Variants in NAAA observed in about 807,000 individuals in gnomAD.
NAAA encodes the protein N-acylethanolamine acid amidase, also known as N-acylethanolamine-hydrolyzing acid amidase.
In NAAA, 39 loss-of-function variants were observed where a neutral mutation model predicts 44.8. The observed-to-expected ratio is 0.87, with a 90% confidence interval of 0.67 to 1.14. The LOEUF is 1.14. Among genes scored for constraint, NAAA ranks in the 50% most tolerant of loss-of-function variants. The pLI, the probability that NAAA is intolerant of heterozygous loss-of-function variation, is 0.00. For synonymous variants in NAAA, 178 were observed against 191.3 expected, an observed-to-expected ratio of 0.93 and a Z score of 0.58; for missense variants, 460 against 467.8, an observed-to-expected ratio of 0.98 and a Z score of 0.15.
Position 75,913,745 on chromosome 4 carries a change from T to G in NAAA, c.*630A>C, listed in dbSNP as rs530381967. On this transcript the variant is annotated 3_prime_UTR_variant, in exon 11 of 11. Coordinates refer to ENST00000286733, the MANE Select transcript of NAAA (RefSeq NM_014435.4). ...TATGTGACATTAAGAAATAATTTGG[T>G]TGCATATTATTTTCAAAAAGCAGTA... is the stretch of plus-strand genomic sequence containing the variant. The G allele has an allele frequency of 5.1e-5, 50 of 980,432 alleles. No individual in the cohort carries two copies. The East Asian group carries it at 4.3e-3, about 85-fold the overall frequency. 60.7% of individuals were successfully genotyped at this position (980,432 alleles called of 1,614,324 possible).
chr4:75,940,634 G>A, intron 1 of NAAA, 110 bp downstream of exon 1: 2 of 1,222,624 alleles, frequency 1.6e-6, no homozygotes, highest in Middle Eastern at 5.4e-4. Context: ...AGTTCTCCAA[G>A]GGTGGCGGGG....
At chr4:75,939,748 T>G in intron 2 of NAAA, 4 of 479,330 alleles carry the variant, frequency 8.3e-6, no homozygotes, top group Non-Finnish European at 7.6e-6. Context: ...GCTACCTGGA[T>G]TGGGGAAGAG....
At chr4:75,939,317 C>T (rs13118503) in intron 2 of NAAA, among the ~76,000 whole-genome samples, 30,788 of 152,004 alleles carry the variant, frequency 0.2, 3,893 homozygotes, top group East Asian at 0.36. Flanking sequence ...TGAGCCACTG[C>T]CAGTATAGAG....
chr4:75,933,016 TC>T (rs1275868649), intron 3 of NAAA, among the ~76,000 whole-genome samples: 1 of 150,588 alleles, frequency 6.6e-6, no homozygotes, highest in Non-Finnish European at 1.5e-5. Flanking sequence ...GCACCTGTGG[TC>T]CCAGCTACTC....
At chr4:75,925,688 G>C (rs1726611313) in intron 5 of NAAA, 47 bp downstream of exon 5, 1 of 1,549,244 alleles carries the variant, frequency 6.5e-7, no homozygotes. Context: ...GAACAGTTTA[G>C]AAGGTGGAGG....
At chr4:75,923,755 G>T (rs1225731685) in intron 5 of NAAA, among the ~76,000 whole-genome samples, 2 of 152,070 alleles carry the variant, frequency 1.3e-5, no homozygotes, top group African/African-American at 2.4e-5. Context: ...GGCCAGGCTA[G>T]TCTCGAACTC....
chr4:75,932,673 T>G (rs1174682010), intron 3 of NAAA, among the ~76,000 whole-genome samples: 1 of 151,914 alleles, frequency 6.6e-6, no homozygotes. Context: ...ACAAAATTTT[T>G]TTTTGCTTTT....
At chr4:75,940,659 G>A in intron 1 of NAAA, 85 bp downstream of exon 1, 2 of 1,406,806 alleles carry the variant, frequency 1.4e-6, no homozygotes, top group Non-Finnish European at 1.9e-6. Flanking sequence ...AAGCGTCCCC[G>A]TTTAAAGCAC....
intron 9 of NAAA, among the ~76,000 whole-genome samples, chr4:75,916,245 T>A (rs1280127734): frequency 6.6e-6 from 1 of 152,206 alleles, no homozygotes; most frequent in Non-Finnish European, 1.5e-5. Flanking sequence ...TTTTCTTTTT[T>A]TCAGATACAG....
At chr4:75,914,378 ATT>A (rs112092179) in intron 10 of NAAA, 40 bp from the exon 11 acceptor site, 7,834 of 703,096 alleles carry the variant, frequency 0.011, no homozygotes, top group Middle Eastern at 0.019. Context: ...TCAAAGACTG[ATT>A]TTTTTTTTTT....
chr4:75,918,874 G>A, intron 8 of NAAA, 85 bp from the exon 9 acceptor site: 2 of 1,314,730 alleles, frequency 1.5e-6, no homozygotes, highest in South Asian at 2.4e-5. Context: ...CGGGTGCAGT[G>A]GCTCAGGCCT....
intron 9 of NAAA, among the ~76,000 whole-genome samples, chr4:75,917,272 G>A (rs996433045): frequency 6.6e-6 from 1 of 152,086 alleles, no homozygotes; most frequent in Admixed American, 6.6e-5. Context: ...GGAAGTGTAT[G>A]AGCCAACTAT....
At chr4:75,936,273 C>T in intron 2 of NAAA, 38 bp from the exon 3 acceptor site, 2 of 1,570,276 alleles carry the variant, frequency 1.3e-6, no homozygotes, top group Non-Finnish European at 1.7e-6. Flanking sequence ...ATGAATAAGA[C>T]AAATAAGAAA....
chr4:75,915,252 G>C (rs547110059), intron 9 of NAAA, among the ~76,000 whole-genome samples: 2 of 152,316 alleles, frequency 1.3e-5, no homozygotes, highest in East Asian at 1.9e-4. Context: ...GGGAGGCTGA[G>C]GCAGGAGAAT....
intron 5 of NAAA, among the ~76,000 whole-genome samples, chr4:75,923,614 A>T (rs1400340227): frequency 6.9e-6 from 1 of 145,782 alleles, no homozygotes; most frequent in Non-Finnish European, 1.5e-5. Flanking sequence ...ATCTCGGCTC[A>T]CTGCAACCTC....
chr4:75,940,869 G>T lies in NAAA; in HGVS notation c.81C>A (p.Ala27=). ...LLLLAGAGLS[A]ASPPAAPRFN... ...AGCGCGGCGCTGCTGGGGGCGAGGC[G>T]GCTGACAGCCCGGCCCCGGCCAGCA... The change falls in exon 1 of 11, where the codon GCC becomes GCA. Residue 27 remains alanine, a synonymous_variant. Transcript: ENST00000286733. 1 of 1,573,524 alleles carries T rather than the reference G, an allele frequency of 6.4e-7. No homozygotes were observed. The highest frequency in any genetic ancestry group is 8.6e-7 in the Non-Finnish European group (1 of 1,169,468).
chr4:75,920,572 CCTCCACACAACA>C (rs1186969679), intron 7 of NAAA, among the ~76,000 whole-genome samples, 154 bp downstream of exon 7: 5 of 152,154 alleles, frequency 3.3e-5, no homozygotes, highest in African/African-American at 1.2e-4. Context: ...CCACTGCTCT[CCTCCACACAACA>C]CTCCCTTCCC....
At chr4:75,930,276 T>C (rs1002081713) in intron 4 of NAAA, among the ~76,000 whole-genome samples, 29 of 152,090 alleles carry the variant, frequency 1.9e-4, no homozygotes, top group African/African-American at 5.6e-4. Context: ...CCACATACTG[T>C]GGAACTAAAT....
At chr4:75,928,661 A>T (rs912539431) in intron 4 of NAAA, among the ~76,000 whole-genome samples, 2 of 151,966 alleles carry the variant, frequency 1.3e-5, no homozygotes, top group Non-Finnish European at 2.9e-5. Flanking sequence ...GACTCAGAGG[A>T]GGCCAGGCCT....
Sources: allele counts gnomAD v4.1 joint callset (sites outside exome capture counted in the v4.1 genomes callset), GRCh38; gene constraint gnomAD v4.1.1; transcripts MANE v1.5; gene names NCBI Gene and HGNC (gene_info 2026-07-23, HGNC 2026-07-21).